GFPT1: variants seen among roughly 807,000 people sequenced by gnomAD.
GFPT1 encodes glutamine--fructose-6-phosphate aminotransferase [isomerizing] 1.
In GFPT1, 40 loss-of-function variants were observed where a neutral mutation model predicts 92.0. That is an observed-to-expected ratio of 0.43 (90% CI 0.34 to 0.57). The LOEUF is 0.57. GFPT1 is among the 20% of genes least tolerant of loss of function. The pLI is 0.02. For missense variants in GFPT1, 448 were observed against 869.1 expected, an observed-to-expected ratio of 0.52 and a Z score of 6.09; for synonymous variants, 269 against 280.6, an observed-to-expected ratio of 0.96 and a Z score of 0.41.
At chr2:69,363,878 G>A (rs1005599733) in intron 3 of GFPT1, among the ~76,000 whole-genome samples, 1 of 152,182 alleles carries the variant, frequency 6.6e-6, no homozygotes, top group African/African-American at 2.4e-5. Context: ...ACTGTGGGAG[G>A]CCGAGGCAGG....
Position 69,350,173 on chromosome 2 carries a change from C to T in GFPT1, c.750G>A (p.Lys250=). ...CACGAGAGAGATTGCAGCTTCCTTT[C>T]TTGTCTTTGCCTAAAGCATATAGTT... The part of the protein sequence containing the change: ...WGSQGERGKD[K]KGSCNLSRVD... Residue 250 remains lysine (K), a synonymous_variant, in exon 10 of 20, where the codon AAG becomes AAA. Coordinates refer to ENST00000357308, the MANE Select transcript of GFPT1 (RefSeq NM_001244710.2). 1.2e-6 allele frequency: 2 copies of T among 1,612,016 alleles called. No homozygotes were observed. Among genetic ancestry groups the T allele is most frequent in the African/African-American group, 1.3e-5 (1 of 75,002 alleles).
At chr2:69,344,386 T>A (rs1181488671) in intron 12 of GFPT1, among the ~76,000 whole-genome samples, 4 of 152,134 alleles carry the variant, frequency 2.6e-5, no homozygotes, top group Non-Finnish European at 4.4e-5. Context: ...CTAAATTTGA[T>A]GCTTTTGAGA....
Position 69,362,057 on chromosome 2 carries a change from A to AT in GFPT1, c.349+1487dup, listed in dbSNP as rs559168957. The stretch of plus-strand genomic sequence containing the variant: ...GTATGTATTCTGTATGTATTTGCTT[A>AT]TTTTTTTTAAATGAAAGAACAGACT... On this transcript the variant is annotated intron_variant, in intron 4 of 19. Transcript: ENST00000357308. Among the ~76,000 whole-genome samples the AT allele has an allele frequency of 1.7e-4, 26 of 152,108 alleles. No homozygotes were observed. The South Asian group carries it at 3.7e-3, about 22-fold the overall frequency.
Position 69,346,396 on chromosome 2 carries a change from G to A in GFPT1, c.1010-397C>T, listed in dbSNP as rs570851070. On this transcript the variant is annotated intron_variant, in intron 11 of 19. Coordinates refer to ENST00000357308, the MANE Select transcript of GFPT1 (RefSeq NM_001244710.2). ...TGTGACTACAGGCGTGTGCTACCAC[G>A]CCCGGCTAATTTTTTGTATTTTTAG... Among the ~76,000 whole-genome samples, 45 of 152,112 alleles carry A rather than the reference G, an allele frequency of 3.0e-4. No individual in the cohort carries two copies. The East Asian group carries it at 7.0e-3, about 24-fold the overall frequency.
intron 11 of GFPT1, 93 bp downstream of exon 11, chr2:69,348,078 T>TC (rs1375745331): frequency 1.0e-6 from 1 of 984,564 alleles, no homozygotes; most frequent in African/African-American, 1.6e-5. Flanking sequence ...ATTCCACTCA[T>TC]CATTCATTAC....
rs1343340813 is a variant in GFPT1, at chr2:69,322,054, A to G, written c.*4135T>C. ...AAGCTAGGAAGATATCAAAATATTA[A>G]CAATCTTCAAGTATAGTGAGAAAAA... On this transcript the variant is annotated 3_prime_UTR_variant, in exon 20 of 20. Coordinates refer to ENST00000357308, the MANE Select transcript of GFPT1 (RefSeq NM_001244710.2). The G allele has an allele frequency of 6.6e-6, 1 of 152,200 alleles. No homozygotes were observed. The highest frequency in any genetic ancestry group is 1.5e-5 in the Non-Finnish European group (1 of 68,018). 9.4% of individuals were successfully genotyped at this position (152,200 alleles called of 1,614,324 possible). A position where few individuals can be genotyped will look rare whatever the true frequency, so the allele number is the denominator to read the frequency against.
At chr2:69,361,810 T>C (rs772264664) in intron 4 of GFPT1, among the ~76,000 whole-genome samples, 2 of 151,958 alleles carry the variant, frequency 1.3e-5, no homozygotes, top group Non-Finnish European at 2.9e-5. Flanking sequence ...AAGACCCCTA[T>C]CTCTACAAAA....
rs1401318886 is a variant in GFPT1 at position 69,321,331 on chromosome 2, G to GT, written c.*4857dup. 1 of 152,222 alleles carries GT rather than the reference G, an allele frequency of 6.6e-6. No individual in the cohort carries two copies. Among genetic ancestry groups the GT allele is most frequent in the Non-Finnish European group, 1.5e-5 (1 of 68,032 alleles). 9.4% of individuals were successfully genotyped at this position (152,222 alleles called of 1,614,324 possible). On this transcript the variant is annotated 3_prime_UTR_variant, in exon 20 of 20. Transcript: ENST00000357308. Reference sequence around the variant, plus strand: ...AAACTGGGAAGTTCGGGTAGAGACAGTGGCTTTTGGTAATATTTAGGCAGT... The same window carrying GT: ...AAACTGGGAAGTTCGGGTAGAGACAGTTGGCTTTTGGTAATATTTAGGCAGT...
rs1045550554 is a variant in GFPT1, at chr2:69,323,580, C to G, written c.*2609G>C. ...GTGGCACAATCACAGCTCACTGCAG[C>G]CTCAACCTCCCAGGCTCAAGCGATC... On this transcript the variant is annotated 3_prime_UTR_variant, in exon 20 of 20. Coordinates refer to ENST00000357308, the MANE Select transcript of GFPT1 (RefSeq NM_001244710.2). 1 of 152,226 alleles carries G rather than the reference C, an allele frequency of 6.6e-6. No homozygotes were observed. Among genetic ancestry groups the G allele is most frequent in the African/African-American group, 2.4e-5 (1 of 41,418 alleles). The allele number at this position is 152,226 out of a possible 1,614,324, so 9.4% of individuals were successfully genotyped here. A position where few individuals can be genotyped will look rare whatever the true frequency, so the allele number is the denominator to read the frequency against.
chr2:69,386,093 G>A (rs540385850), intron 1 of GFPT1, among the ~76,000 whole-genome samples: 1 of 150,022 alleles, frequency 6.7e-6, no homozygotes, highest in South Asian at 2.1e-4. Flanking sequence ...CAATAAGAAA[G>A]GTAAGAATAC....
At position 69,326,102 on chromosome 2, in the gene GFPT1, G is replaced by A; in HGVS notation, c.*87C>T. On this transcript the variant is annotated 3_prime_UTR_variant, in exon 20 of 20. Transcript: ENST00000357308. ...GATTTACTAAAAAAAGGCTTCAAGGGGTGATATTTTAAATCAAGGTTTTAA... is the reference window on the plus strand; with the variant it reads ...GATTTACTAAAAAAAGGCTTCAAGGAGTGATATTTTAAATCAAGGTTTTAA... 2 of 814,800 alleles carry A rather than the reference G, an allele frequency of 2.5e-6. No homozygotes were observed. Among genetic ancestry groups the A allele is most frequent in the Non-Finnish European group, 4.2e-6 (2 of 478,144 alleles). 50.5% of individuals were successfully genotyped at this position (814,800 alleles called of 1,614,324 possible).
rs182071690 is a variant in GFPT1 at position 69,373,655 on chromosome 2, G to A, written c.115+351C>T. ...ATAAAAATAAGAAAAAAGAATCTGA[G>A]GCAAGTTTATGTGTCAAAGCATGAA... On this transcript the variant is annotated intron_variant, in intron 2 of 19. Transcript: ENST00000357308. Among the ~76,000 whole-genome samples the A allele has an allele frequency of 3.5e-3, 534 of 151,894 alleles. 3 individuals carry two copies. Among genetic ancestry groups the A allele is most frequent in the African/African-American group, 0.012 (516 of 41,434 alleles).
At chr2:69,354,075 A>T (rs1051812362) in intron 9 of GFPT1, among the ~76,000 whole-genome samples, 184 bp downstream of exon 9, 1 of 152,272 alleles carries the variant, frequency 6.6e-6, no homozygotes, top group Non-Finnish European at 1.5e-5. Flanking sequence ...CACTTTCTAA[A>T]TGCCAAAAGC....
chr2:69,320,469 A>G lies in GFPT1; in HGVS notation c.*5720T>C, dbSNP rs2104584494. On this transcript the variant is annotated 3_prime_UTR_variant, in exon 20 of 20. Transcript: ENST00000357308. ...GGCAAAAATTAATTCCTAAAGATCCAAAGGGTATACAATACCTGTCAAATT... is the reference window on the plus strand; with the variant it reads ...GGCAAAAATTAATTCCTAAAGATCCGAAGGGTATACAATACCTGTCAAATT... The G allele has an allele frequency of 6.6e-6, 1 of 152,366 alleles. No individual in the cohort carries two copies. The highest frequency in any genetic ancestry group is 1.9e-4 in the East Asian group (1 of 5,178). 9.4% of individuals were successfully genotyped at this position (152,366 alleles called of 1,614,324 possible).
Position 69,353,464 on chromosome 2 carries a change from G to A in GFPT1, c.739+795C>T, listed in dbSNP as rs561892572. Among the ~76,000 whole-genome samples, 3 of 152,326 alleles carry A rather than the reference G, an allele frequency of 2.0e-5. No individual in the cohort carries two copies. In the South Asian group the frequency reaches 6.2e-4, roughly 32 times the overall value. Reference sequence around the variant, plus strand: ...TGGGAGAATCACTTGAGCCTAGGCAGCCAAGGCTGAAGTGAGCCATGACGA... The same window carrying A: ...TGGGAGAATCACTTGAGCCTAGGCAACCAAGGCTGAAGTGAGCCATGACGA... On this transcript the variant is annotated intron_variant, in intron 9 of 19. Transcript: ENST00000357308.
Position 69,338,221 on chromosome 2 carries a change from C to T in GFPT1, c.1325-166G>A, listed in dbSNP as rs564085810. On this transcript the variant is annotated intron_variant, in intron 14 of 19. Transcript: ENST00000357308. ...TAAAACTTTAAGTAATATGGCTTGT[C>T]AGGATCTCTCTTCCTTCTCTGTCAT... Among the ~76,000 whole-genome samples, 446 of 152,250 alleles carry T rather than the reference C, an allele frequency of 2.9e-3. 3 individuals are homozygous for T. The highest frequency in any genetic ancestry group is 8.4e-3 in the African/African-American group (351 of 41,552).
intron 9 of GFPT1, among the ~76,000 whole-genome samples, chr2:69,352,864 G>A (rs1485756608): frequency 6.6e-6 from 1 of 150,802 alleles, no homozygotes; most frequent in Non-Finnish European, 1.5e-5. Context: ...CGGCCAAAAT[G>A]GCGAAACCCC....
At chr2:69,353,053 A>G (rs768876783) in intron 9 of GFPT1, among the ~76,000 whole-genome samples, 2 of 151,850 alleles carry the variant, frequency 1.3e-5, no homozygotes, top group African/African-American at 2.4e-5. Flanking sequence ...CAAAAAATAA[A>G]TAAATAAGGT....
intron 15 of GFPT1, among the ~76,000 whole-genome samples, chr2:69,333,794 T>C (rs541033760): frequency 6.6e-6 from 1 of 152,166 alleles, no homozygotes; most frequent in Non-Finnish European, 1.5e-5. Context: ...CAGGCAAAGT[T>C]GAGAATTTAC....
Sources: gnomAD v4.1 joint callset for allele counts (sites outside exome capture counted in the v4.1 genomes callset) on GRCh38, gnomAD v4.1.1 for gene constraint, MANE v1.5 for transcripts, NCBI Gene and HGNC (gene_info 2026-07-23, HGNC 2026-07-21) for gene names.